GALNT13: variants seen among roughly 807,000 people sequenced by gnomAD.
The protein encoded by GALNT13 is UDP-GalNAc:polypeptide N-acetylgalactosaminyltransferase 13.
A neutral mutation model predicts 64.2 loss-of-function variants in GALNT13; 28 were observed. The ratio of observed to expected loss-of-function variants is 0.44; its 90% confidence interval spans 0.32 to 0.60. GALNT13 has a LOEUF of 0.60. Ranked by LOEUF, GALNT13 falls within the 20% of genes least tolerant of loss-of-function variation. GALNT13 has a pLI of 0.05. For missense variants in GALNT13, 577 were observed against 669.8 expected (o/e 0.86, Z 1.53); for synonymous variants, 214 against 224.6 (o/e 0.95, Z 0.42).
the GALNT13 span, among the ~76,000 whole-genome samples, chr2:153,247,113 C>G: frequency 6.6e-6 from 1 of 152,156 alleles, no homozygotes; most frequent in Admixed American, 6.5e-5. Context: ...AATATGCACC[C>G]AATACAGAAG....
intron 3 of GALNT13, among the ~76,000 whole-genome samples, chr2:154,117,615 GAGT>G (rs1681665163): frequency 6.6e-6 from 1 of 152,110 alleles, no homozygotes; most frequent in Non-Finnish European, 1.5e-5. Context: ...TTTTATGACT[GAGT>G]AGTATTCCAT....
chr2:153,194,118 A>G, the GALNT13 span, among the ~76,000 whole-genome samples: 1 of 152,124 alleles, frequency 6.6e-6, no homozygotes, highest in Non-Finnish European at 1.5e-5. Context: ...AGTTTCCTTT[A>G]TCTGTATGTC....
chr2:154,359,485 C>T lies in GALNT13; in HGVS notation c.1157-36506C>T, dbSNP rs146186959. On this transcript the variant is annotated intron_variant, in intron 9 of 12. Transcript: ENST00000392825. The stretch of plus-strand genomic sequence containing the variant: ...ACTACCATTCACCTACTGGAGGCTT[C>T]CTAGAATTGAAAGATCATGAAAATG... 3.7e-4 allele frequency among the ~76,000 whole-genome samples: 57 copies of T among 152,108 alleles called. 1 individual carries two copies. The East Asian group carries it at 0.01, about 27-fold the overall frequency.
chr2:153,571,504 G>C, the GALNT13 span, among the ~76,000 whole-genome samples: 1 of 151,980 alleles, frequency 6.6e-6, no homozygotes, highest in Admixed American at 6.6e-5. Context: ...AGTGATGAAA[G>C]TGAGCATCCT....
At chr2:154,131,631 AT>A (rs1682623120) in intron 3 of GALNT13, among the ~76,000 whole-genome samples, 1 of 152,150 alleles carries the variant, frequency 6.6e-6, no homozygotes, top group African/African-American at 2.4e-5. Flanking sequence ...CTGAAGCCAG[AT>A]TTTTCGTTAA....
At chr2:153,604,491 C>A in the GALNT13 span, among the ~76,000 whole-genome samples, 5 of 151,992 alleles carry the variant, frequency 3.3e-5, no homozygotes, top group Non-Finnish European at 5.9e-5. Context: ...TGGCTTTTGA[C>A]CATTTTTATC....
At chr2:153,574,077 T>C in the GALNT13 span, among the ~76,000 whole-genome samples, 2 of 152,016 alleles carry the variant, frequency 1.3e-5, no homozygotes, top group Admixed American at 1.3e-4. Flanking sequence ...AGTTTTCATT[T>C]CTCCTTCATA....
At chr2:154,143,069 A>AT (rs1243259988) in intron 4 of GALNT13, among the ~76,000 whole-genome samples, 1 of 151,986 alleles carries the variant, frequency 6.6e-6, no homozygotes, top group African/African-American at 2.4e-5. Flanking sequence ...GTGGAAGACA[A>AT]TTTTTTTACA....
rs966423533 is a variant in GALNT13, at chr2:154,039,477, G to A, written c.142+94838G>A. On this transcript the variant is annotated intron_variant, in intron 3 of 12. Coordinates refer to ENST00000392825, the MANE Select transcript of GALNT13 (RefSeq NM_052917.4). ...GTCTGCAGCTACATGAGTGAACCTG[G>A]AAGACCTTATGTTAAATTAAATGAA... Among the ~76,000 whole-genome samples the A allele has an allele frequency of 3.6e-5, 5 of 140,216 alleles. 1 individual carries two copies. Among genetic ancestry groups the A allele is most frequent in the Non-Finnish European group, 6.5e-5 (4 of 61,152 alleles). The allele number at this position is 140,216 out of a possible 152,430, so 92.0% of individuals were successfully genotyped here.
At chr2:154,118,477 T>A (rs1354036265) in intron 3 of GALNT13, among the ~76,000 whole-genome samples, 2 of 151,982 alleles carry the variant, frequency 1.3e-5, no homozygotes, top group Non-Finnish European at 2.9e-5. Context: ...TCAGTAACTC[T>A]ATTTCTTTTT....
chr2:153,251,583 T>C, the GALNT13 span, among the ~76,000 whole-genome samples: 1 of 151,214 alleles, frequency 6.6e-6, no homozygotes, highest in Admixed American at 6.6e-5. Flanking sequence ...ACTCGTCATC[T>C]CGCATTAGGT....
At chr2:153,847,333 TAA>T in the GALNT13 span, among the ~76,000 whole-genome samples, 1 of 152,148 alleles carries the variant, frequency 6.6e-6, no homozygotes, top group East Asian at 1.9e-4. Context: ...GTAACTTATA[TAA>T]GAGACAAAGT....
intron 2 of GALNT13, among the ~76,000 whole-genome samples, chr2:153,904,915 G>A (rs995067642): frequency 4.6e-5 from 7 of 151,602 alleles, no homozygotes; most frequent in Middle Eastern, 3.4e-3. Flanking sequence ...TCTCTCCTTC[G>A]CCCACTGTTC....
At chr2:153,852,721 A>C in the GALNT13 span, among the ~76,000 whole-genome samples, 1 of 152,342 alleles carries the variant, frequency 6.6e-6, no homozygotes, top group East Asian at 1.9e-4. Context: ...TAACCACTGA[A>C]GAAAACAATG....
In GALNT13 at chr2:154,228,916, A is replaced by G. The variant is rs111978649; in HGVS notation, c.312-13114A>G. Among the ~76,000 whole-genome samples, 189 of 152,178 alleles carry G rather than the reference A, an allele frequency of 1.2e-3. 1 individual carries two copies. Among genetic ancestry groups the G allele is most frequent in the African/African-American group, 4.2e-3 (176 of 41,548 alleles). On this transcript the variant is annotated intron_variant, in intron 4 of 12. Transcript: ENST00000392825. ...TTTAAGATCAGAAAGGTCAATTTCT[A>G]TGTTTATCAAATGGAACAGTTGATG...
chr2:154,033,425 G>T (rs747933017), intron 3 of GALNT13, among the ~76,000 whole-genome samples: 1 of 151,794 alleles, frequency 6.6e-6, no homozygotes, highest in African/African-American at 2.4e-5. Context: ...ATTGACAAAG[G>T]ATTTATATTC....
At chr2:153,818,818 A>T in the GALNT13 span, among the ~76,000 whole-genome samples, 2 of 152,236 alleles carry the variant, frequency 1.3e-5, no homozygotes, top group East Asian at 3.9e-4. Flanking sequence ...TGCATCCCAG[A>T]GCCCTTCTGA....
intron 9 of GALNT13, among the ~76,000 whole-genome samples, chr2:154,342,777 A>T (rs1695844271): frequency 6.6e-6 from 1 of 151,742 alleles, no homozygotes; most frequent in Admixed American, 6.6e-5. Context: ...AATTTTATAC[A>T]GTTGTATCTA....
chr2:154,232,365 T>G (rs1688962274), intron 4 of GALNT13, among the ~76,000 whole-genome samples: 1 of 152,112 alleles, frequency 6.6e-6, no homozygotes, highest in Admixed American at 6.6e-5. Flanking sequence ...TTTGTTCCCA[T>G]TTATTCCCAG....
Sources: allele counts gnomAD v4.1 joint callset (sites outside exome capture counted in the v4.1 genomes callset), GRCh38; gene constraint gnomAD v4.1.1; transcripts MANE v1.5; gene names NCBI Gene and HGNC (gene_info 2026-07-23, HGNC 2026-07-21).